Variants in GRIA3 observed in about 807,000 individuals in gnomAD.
GRIA3 encodes the protein glutamate receptor 3.
Under a neutral mutation model 63.0 loss-of-function variants are expected in GRIA3, and 3 were observed. The observed-to-expected ratio is 0.05, with a 90% CI of 0.02 to 0.12. The LOEUF is 0.12. Ranked by LOEUF, GRIA3 falls within the 10% of genes least tolerant of loss-of-function variation. The pLI is 1.00. For synonymous variants in GRIA3, 274 were observed against 257.9 expected (o/e 1.06, Z -0.60); for missense variants, 347 against 700.9 (o/e 0.50, Z 5.70).
At chrX:123,400,541 C>T (rs1248855389) in intron 7 of GRIA3, among the ~76,000 whole-genome samples, 1 of 112,050 alleles carries the variant, frequency 8.9e-6, no homozygotes. Context: ...AAAATTGAGA[C>T]TGCATAATGT....
At chrX:123,259,513 GCA>G (rs769936326) in intron 3 of GRIA3, among the ~76,000 whole-genome samples, 2 of 105,619 alleles carry the variant, frequency 1.9e-5, no homozygotes, top group African/African-American at 3.5e-5. Flanking sequence ...TCATGCGCGC[GCA>G]CACACACACA....
At chrX:123,468,616 A>C (rs1384551635) in intron 13 of GRIA3, among the ~76,000 whole-genome samples, 1 of 112,794 alleles carries the variant, frequency 8.9e-6, no homozygotes, top group Non-Finnish European at 1.9e-5. Context: ...TTTGAATTAC[A>C]AAATAGACTT....
chrX:123,383,683 T>A (rs1400550204), intron 5 of GRIA3, among the ~76,000 whole-genome samples: 1 of 111,990 alleles, frequency 8.9e-6, no homozygotes, highest in Non-Finnish European at 1.9e-5. Flanking sequence ...GCCATTAAAC[T>A]TTTTAAGTTT....
intron 3 of GRIA3, among the ~76,000 whole-genome samples, chrX:123,276,947 A>G (rs2044557989): frequency 8.9e-6 from 1 of 111,899 alleles, no homozygotes; most frequent in Non-Finnish European, 1.9e-5. Flanking sequence ...CCCACATTGC[A>G]AATTTCAAAA....
At chrX:123,382,034 A>G (rs1479295396) in intron 5 of GRIA3, among the ~76,000 whole-genome samples, 1 of 112,426 alleles carries the variant, frequency 8.9e-6, no homozygotes, top group Non-Finnish European at 1.9e-5. Context: ...GCTGGGAACC[A>G]GAGTGACAAA....
intron 11 of GRIA3, among the ~76,000 whole-genome samples, chrX:123,426,136 T>C (rs1203599257): frequency 9.0e-6 from 1 of 110,739 alleles, no homozygotes; most frequent in East Asian, 2.8e-4. Context: ...TTCCTGTGAG[T>C]TTTTCTGGGC....
chrX:123,482,531 G>A (rs1210634116), intron 14 of GRIA3, among the ~76,000 whole-genome samples: 1 of 111,717 alleles, frequency 9.0e-6, no homozygotes, highest in Non-Finnish European at 1.9e-5. Flanking sequence ...TTTATTAATT[G>A]TTGAACACCA....
chrX:123,466,133 G>A (rs1050132157), intron 13 of GRIA3, among the ~76,000 whole-genome samples: 2 of 111,908 alleles, frequency 1.8e-5, no homozygotes, highest in Non-Finnish European at 3.8e-5. Context: ...GCCTGCCTCA[G>A]TTGAGTGGTA....
intron 3 of GRIA3, among the ~76,000 whole-genome samples, chrX:123,324,497 C>T (rs1323830119): frequency 8.9e-6 from 1 of 111,796 alleles, no homozygotes; most frequent in Non-Finnish European, 1.9e-5. Context: ...GTTTATTTCT[C>T]AATCCCATGC....
intron 6 of GRIA3, among the ~76,000 whole-genome samples, chrX:123,398,019 A>T (rs2045423277): frequency 1.8e-5 from 2 of 111,635 alleles, no homozygotes; most frequent in Admixed American, 1.9e-4. Flanking sequence ...AATTGTCAAC[A>T]TCATCAGATT....
At chrX:123,248,330 C>T (rs772010119) in intron 2 of GRIA3, among the ~76,000 whole-genome samples, 1 of 112,372 alleles carries the variant, frequency 8.9e-6, no homozygotes, top group Non-Finnish European at 1.9e-5. Context: ...AAATAACTTG[C>T]GCAAAGTTAC....
At chrX:123,441,491 A>G (rs2045673869) in intron 12 of GRIA3, among the ~76,000 whole-genome samples, 1 of 111,358 alleles carries the variant, frequency 9.0e-6, no homozygotes, top group Admixed American at 9.6e-5. Context: ...TAAAACTTAC[A>G]TTTTGCATGT....
At chrX:123,233,408 G>T (rs1000370468) in intron 2 of GRIA3, among the ~76,000 whole-genome samples, 1 of 111,834 alleles carries the variant, frequency 8.9e-6, no homozygotes, top group Non-Finnish European at 1.9e-5. Context: ...TGTTGAACAA[G>T]TTGGGTTACT....
intron 3 of GRIA3, among the ~76,000 whole-genome samples, chrX:123,276,413 G>T (rs187307626): frequency 9.0e-6 from 1 of 111,611 alleles, no homozygotes; most frequent in East Asian, 2.8e-4. Context: ...CTGTATAACA[G>T]CTGAGCAACA....
chrX:123,446,465 T>C (rs1265467628), intron 12 of GRIA3, among the ~76,000 whole-genome samples: 1 of 111,672 alleles, frequency 9.0e-6, no homozygotes, highest in Non-Finnish European at 1.9e-5. Context: ...TCCACAACAC[T>C]GACAAGCAGT....
intron 3 of GRIA3, among the ~76,000 whole-genome samples, chrX:123,265,912 A>T (rs751402683): frequency 1.8e-5 from 2 of 110,965 alleles, no homozygotes; most frequent in East Asian, 5.7e-4. Context: ...AGATCTTAAA[A>T]CCCTTCCTGG....
At chrX:123,460,601 C>T (rs1287429487) in intron 12 of GRIA3, among the ~76,000 whole-genome samples, 2 of 111,563 alleles carry the variant, frequency 1.8e-5, no homozygotes, top group South Asian at 3.8e-4. Context: ...AATTCAGTAT[C>T]GTGGTTACTT....
chrX:123,242,578 C>T (rs2044335960), intron 2 of GRIA3, among the ~76,000 whole-genome samples: 1 of 112,614 alleles, frequency 8.9e-6, no homozygotes, highest in Non-Finnish European at 1.9e-5. Flanking sequence ...ATGACAGAGA[C>T]AGGCTGTAAA....
At chrX:123,465,828 C>T (rs201494320) in intron 13 of GRIA3, 45 of 914,275 alleles carry the variant, frequency 4.9e-5, no homozygotes, top group Non-Finnish European at 6.5e-5. Context: ...CCCTTAGTGA[C>T]GAGTAATCGG....
Sources: gnomAD v4.1 joint callset for allele counts (sites outside exome capture counted in the v4.1 genomes callset) on GRCh38, gnomAD v4.1.1 for gene constraint, MANE v1.5 for transcripts, NCBI Gene and HGNC (gene_info 2026-07-23, HGNC 2026-07-21) for gene names.